ANKRD45: variants seen among roughly 807,000 people sequenced by gnomAD.
The protein encoded by ANKRD45 is ankyrin repeat domain-containing protein 45.
A neutral mutation model predicts 28.1 loss-of-function variants in ANKRD45; 21 were observed. The observed-to-expected ratio is 0.75, with a 90% CI of 0.53 to 1.08. The LOEUF is 1.08. ANKRD45 is among the 50% of genes least tolerant of loss of function. ANKRD45 has a pLI of 0.00. For missense variants in ANKRD45, 261 were observed against 308.7 expected (o/e 0.85, Z 1.16); for synonymous variants, 86 against 103.9 (o/e 0.83, Z 1.05).
intron 3 of ANKRD45, chr1:173,636,858 G>C (rs937758840): frequency 6.5e-7 from 1 of 1,535,614 alleles, no homozygotes; most frequent in East Asian, 2.4e-5. Context: ...GAAAAACCTG[G>C]TAATGATCTA....
chr1:173,697,501 G>A, the ANKRD45 span, among the ~76,000 whole-genome samples: 1 of 152,148 alleles, frequency 6.6e-6, no homozygotes, highest in South Asian at 2.1e-4. Flanking sequence ...AGAGAGTGGG[G>A]GCCAATATTC....
At chr1:173,635,785 C>G (rs773660051) in intron 3 of ANKRD45, 4 of 1,535,242 alleles carry the variant, frequency 2.6e-6, no homozygotes, top group African/African-American at 1.4e-5. Flanking sequence ...CTGTCTTCTT[C>G]GTCTTATTTG....
chr1:173,641,789 A>T (rs746277938), intron 3 of ANKRD45, among the ~76,000 whole-genome samples: 1 of 152,232 alleles, frequency 6.6e-6, no homozygotes, highest in Non-Finnish European at 1.5e-5. Context: ...GGAGTGCCAG[A>T]TAAGTTTAAA....
rs755117365 is a variant in ANKRD45, at chr1:173,646,913, T to C, written c.429A>G (p.Glu143=). The stretch of plus-strand genomic sequence containing the variant: ...TAGCAGCAACATCTCGAGCCCTTTC[T>C]TCCCGGAAGTTCAAAGCTTCTATAT... The part of the protein sequence containing the change: ...DVDIEALNFR[E]ERARDVAARY... Residue 143 remains glutamate (E), a synonymous_variant, in exon 3 of 6, where the codon GAA becomes GAG. Transcript: ENST00000333279. 1.2e-6 allele frequency: 2 copies of C among 1,614,190 alleles called. No individual in the cohort carries two copies. The highest frequency in any genetic ancestry group is 1.7e-6 in the Non-Finnish European group (2 of 1,180,030).
Position 173,608,767 on chromosome 1 carries a change from T to G in ANKRD45, c.*1378A>C, listed in dbSNP as rs1571663321. On this transcript the variant is annotated 3_prime_UTR_variant, in exon 6 of 6. Transcript: ENST00000333279. ...GACCCTGTCAAGAAGGTTGCGGGGG[T>G]GGAGAGAGAGAGAGAGATAAGAGAG... Among the ~76,000 whole-genome samples, 3 of 126,586 alleles carry G rather than the reference T, an allele frequency of 2.4e-5. No individual in the cohort carries two copies. The highest frequency in any genetic ancestry group is 3.3e-5 in the Non-Finnish European group (2 of 60,528). The allele number at this position is 126,586 out of a possible 152,430, so 83.0% of individuals were successfully genotyped here.
chr1:173,657,195 G>A (rs559787173), intron 2 of ANKRD45: 6 of 157,934 alleles, frequency 3.8e-5, no homozygotes, highest in Admixed American at 6.5e-5. Context: ...GGCTGGGCGC[G>A]GTGACTCACA....
At chr1:173,684,694 G>C in the ANKRD45 span, among the ~76,000 whole-genome samples, 1 of 152,208 alleles carries the variant, frequency 6.6e-6, no homozygotes, top group Non-Finnish European at 1.5e-5. Flanking sequence ...GGGTGATGTT[G>C]TTTGGGATGA....
the ANKRD45 span, among the ~76,000 whole-genome samples, chr1:173,678,166 T>A: frequency 6.6e-6 from 1 of 152,206 alleles, no homozygotes; most frequent in Non-Finnish European, 1.5e-5. Context: ...GTACCATTCC[T>A]TCTGAAACTA....
the ANKRD45 span, among the ~76,000 whole-genome samples, chr1:173,704,559 C>G: frequency 2.0e-5 from 3 of 152,184 alleles, no homozygotes; most frequent in African/African-American, 7.2e-5. Context: ...ACATCTGATC[C>G]ACTGAACCTA....
the ANKRD45 span, among the ~76,000 whole-genome samples, chr1:173,683,172 A>G: frequency 1.3e-5 from 2 of 152,156 alleles, no homozygotes; most frequent in Non-Finnish European, 2.9e-5. Context: ...AACTTATATG[A>G]TTACTGAGCA....
At chr1:173,651,886 G>A (rs1669243368) in intron 2 of ANKRD45, among the ~76,000 whole-genome samples, 1 of 152,150 alleles carries the variant, frequency 6.6e-6, no homozygotes, top group South Asian at 2.1e-4. Flanking sequence ...TCATGATTTG[G>A]CTCTCTGTTT....
At chr1:173,619,720 C>G (rs755452212) in intron 5 of ANKRD45, among the ~76,000 whole-genome samples, 3 of 151,138 alleles carry the variant, frequency 2.0e-5, no homozygotes, top group Non-Finnish European at 4.4e-5. Flanking sequence ...CCCAGCCACT[C>G]GGGAGGGGGA....
At chr1:173,638,693 C>T (rs557666460) in intron 3 of ANKRD45, among the ~76,000 whole-genome samples, 1 of 152,278 alleles carries the variant, frequency 6.6e-6, no homozygotes, top group South Asian at 2.1e-4. Context: ...GCACGCCCCA[C>T]CAAGTTAGAG....
At chr1:173,671,026 T>A (rs1670231577), upstream of ANKRD45, among the ~76,000 whole-genome samples, 1 of 152,206 alleles carries the variant, frequency 6.6e-6, no homozygotes, top group African/African-American at 2.4e-5. Context: ...TGGTTCCTCA[T>A]AGGCTGAGTA....
At chr1:173,695,436 T>C in the ANKRD45 span, among the ~76,000 whole-genome samples, 3 of 152,164 alleles carry the variant, frequency 2.0e-5, no homozygotes, top group Non-Finnish European at 4.4e-5. Context: ...CTCCCCCTTA[T>C]AAGTGAGAAC....
chr1:173,713,005 A>T, the ANKRD45 span, among the ~76,000 whole-genome samples: 1 of 152,208 alleles, frequency 6.6e-6, no homozygotes, highest in Non-Finnish European at 1.5e-5. Context: ...ACCTTCATTG[A>T]TCAACATGGA....
intron 4 of ANKRD45, 58 bp from the exon 5 acceptor site, chr1:173,624,983 C>A: frequency 6.4e-7 from 1 of 1,555,034 alleles, no homozygotes; most frequent in Non-Finnish European, 8.8e-7. Context: ...TAAAACTCAA[C>A]AGTATCTCTA....
the ANKRD45 span, among the ~76,000 whole-genome samples, chr1:173,689,491 C>T: frequency 7.9e-5 from 12 of 152,190 alleles, no homozygotes; most frequent in East Asian, 3.9e-4. Context: ...ACTTAGAGGA[C>T]GGTCTTCCCA....
intron 5 of ANKRD45, among the ~76,000 whole-genome samples, chr1:173,613,222 G>A (rs942724598): frequency 5.4e-5 from 8 of 149,152 alleles, no homozygotes; most frequent in African/African-American, 1.7e-4. Flanking sequence ...GGGATGTGAG[G>A]AGCACCTCTG....
Sources: gnomAD v4.1 joint callset for allele counts (sites outside exome capture counted in the v4.1 genomes callset) on GRCh38, gnomAD v4.1.1 for gene constraint, MANE v1.5 for transcripts, NCBI Gene and HGNC (gene_info 2026-07-23, HGNC 2026-07-21) for gene names.